The following NUP188 variants were observed in gnomAD, a reference collection of about 807,000 sequenced individuals.
The protein encoded by NUP188 is nucleoporin 188, also known as nucleoporin NUP188.
A neutral mutation model predicts 223.0 loss-of-function variants in NUP188; 97 were observed. The observed-to-expected ratio is 0.43, with a 90% CI of 0.37 to 0.51. NUP188 has a LOEUF of 0.51. Ranked by LOEUF, NUP188 falls within the 20% of genes least tolerant of loss-of-function variation. The pLI, the probability that NUP188 is intolerant of heterozygous loss-of-function variation, is 0.00. For synonymous variants in NUP188, 869 were observed against 828.0 expected, an observed-to-expected ratio of 1.05 and a Z score of -0.85; for missense variants, 1,947 against 2,175.6, an observed-to-expected ratio of 0.89 and a Z score of 2.09.
rs17485625 is a variant in NUP188, at chr9:128,996,982, G to A, written c.3352-1169G>A. Reference sequence around the variant, plus strand: ...GCATAGAGAGTGCCCTATGATGGAGGAGGTAAATTATAAACAAATTTAGCA... The same window carrying A: ...GCATAGAGAGTGCCCTATGATGGAGAAGGTAAATTATAAACAAATTTAGCA... On this transcript the variant is annotated intron_variant, in intron 30 of 43. Coordinates refer to ENST00000372577, the MANE Select transcript of NUP188 (RefSeq NM_015354.3). Among the ~76,000 whole-genome samples the A allele has an allele frequency of 3.0e-3, 458 of 152,324 alleles. 3 individuals are homozygous for A. Among genetic ancestry groups the A allele is most frequent in the African/African-American group, 0.01 (429 of 41,578 alleles).
chr9:128,977,166 C>T (rs1842187712), intron 12 of NUP188, among the ~76,000 whole-genome samples: 1 of 146,482 alleles, frequency 6.8e-6, no homozygotes, highest in Admixed American at 6.9e-5. Context: ...GTCACCCAGG[C>T]TGGAGTGCAG....
chr9:128,990,768 G>A (rs1293907999), intron 25 of NUP188, among the ~76,000 whole-genome samples: 1 of 152,254 alleles, frequency 6.6e-6, no homozygotes, highest in Admixed American at 6.5e-5. Context: ...GGGAGGCTGA[G>A]GCAGGAGAAT....
At chr9:128,970,979 G>A (rs1014654460) in intron 11 of NUP188, 21 bp downstream of exon 11, 5 of 1,586,632 alleles carry the variant, frequency 3.2e-6, no homozygotes, top group African/African-American at 2.7e-5. Context: ...GGCTCTGGGT[G>A]GTGAGCATGG....
intron 25 of NUP188, among the ~76,000 whole-genome samples, 193 bp downstream of exon 25, chr9:128,990,419 A>G (rs1842400132): frequency 6.6e-6 from 1 of 151,914 alleles, no homozygotes; most frequent in Non-Finnish European, 1.5e-5. Flanking sequence ...GTGAGACCCC[A>G]TCTCTAATAT....
chr9:129,002,917 A>G lies in NUP188; in HGVS notation c.4238A>G (p.Tyr1413Cys), dbSNP rs1842698879. 1 of 1,614,078 alleles carries G rather than the reference A, an allele frequency of 6.2e-7. No homozygotes were observed. Among genetic ancestry groups the G allele is most frequent in the Non-Finnish European group, 8.5e-7 (1 of 1,180,038 alleles). Residue 1413 changes from tyrosine (Y) to cysteine (C), a missense_variant, in exon 37 of 44, where the codon TAC becomes TGC. Transcript: ENST00000372577. ...GAGCAGCTGCTCAAAACTCTGCGCT[A>G]CAACTTCCTGCCTGAGGCCCTGGAC... ...LMEQLLKTLR[Y>C]NFLPEALDFV...
rs762634592 is a variant in NUP188 at position 128,986,632 on chromosome 9, C to T, written c.2151C>T (p.Ser717=). 1.9e-6 allele frequency: 3 copies of T among 1,614,180 alleles called. No individual in the cohort carries two copies. Among genetic ancestry groups the T allele is most frequent in the South Asian group, 2.2e-5 (2 of 91,082 alleles). The change falls in exon 21 of 44, where the codon AGC becomes AGT. Residue 717 remains serine, a synonymous_variant. Coordinates refer to ENST00000372577, the MANE Select transcript of NUP188 (RefSeq NM_015354.3). Reference sequence around the variant, plus strand: ...TTGTGCTGAAGGAGATGCTTCCCAGCTACCATAAGTGGCGCTACAACTCTC... The same window carrying T: ...TTGTGCTGAAGGAGATGCTTCCCAGTTACCATAAGTGGCGCTACAACTCTC... The part of the protein sequence containing the change: ...VMFVLKEMLP[S]YHKWRYNSHG...
chr9:129,003,366 C>T lies in NUP188; in HGVS notation c.4346C>T (p.Ala1449Val), dbSNP rs1044675237. ...CAGAGTCTGGCCTGCCTGGAGGAGGCGGACCACACCGTGGGTTTTATTCTG... is the reference window on the plus strand; with the variant it reads ...CAGAGTCTGGCCTGCCTGGAGGAGGTGGACCACACCGTGGGTTTTATTCTG... Reference protein sequence around the residue: ...TVQSLACLEEADHTVGFILQL... With the variant: ...TVQSLACLEEVDHTVGFILQL... The change falls in exon 38 of 44, where the codon GCG (alanine) becomes GTG (valine). Residue 1449 changes from alanine to valine, a missense_variant. This residue lies in a region of NUP188 where 905 missense variants were observed against 990.6 expected (regional missense o/e 0.91). Coordinates refer to ENST00000372577, the MANE Select transcript of NUP188 (RefSeq NM_015354.3). 8.7e-6 allele frequency: 14 copies of T among 1,613,020 alleles called. No homozygotes were observed. The highest frequency in any genetic ancestry group is 4.5e-5 in the East Asian group (2 of 44,880).
chr9:128,982,796 C>T, intron 16 of NUP188, 95 bp downstream of exon 16: 2 of 1,585,062 alleles, frequency 1.3e-6, no homozygotes, highest in Non-Finnish European at 1.7e-6. Flanking sequence ...AATTTAGAAC[C>T]ATCAAGATTG....
intron 3 of NUP188, among the ~76,000 whole-genome samples, chr9:128,953,970 C>G (rs930868810): frequency 6.6e-6 from 1 of 151,982 alleles, no homozygotes; most frequent in Non-Finnish European, 1.5e-5. Context: ...GCTGGGATTA[C>G]AGGTGCCCGC....
At chr9:128,992,744 C>G (rs560368113) in intron 25 of NUP188, among the ~76,000 whole-genome samples, 170 of 152,104 alleles carry the variant, frequency 1.1e-3, no homozygotes, top group Middle Eastern at 3.4e-3. Flanking sequence ...CATTATTATC[C>G]CTACCACCCT....
intron 36 of NUP188, 119 bp downstream of exon 36, chr9:129,002,095 T>C: frequency 1.3e-6 from 1 of 760,292 alleles, no homozygotes; most frequent in Non-Finnish European, 2.2e-6. Context: ...AATACACTGA[T>C]GGTGAGGAAT....
intron 25 of NUP188, 89 bp downstream of exon 25, chr9:128,990,315 C>T (rs763345808): frequency 1.5e-5 from 15 of 993,850 alleles, no homozygotes; most frequent in Middle Eastern, 2.1e-4. Context: ...CCACGTGCAG[C>T]GGCTTAACGC....
In NUP188 at chr9:128,999,619, T is replaced by G. The variant is rs1054218002; in HGVS notation, c.3662-5T>G. 6.2e-7 allele frequency: 1 copy of G among 1,613,130 alleles called. No individual in the cohort carries two copies. Among genetic ancestry groups the G allele is most frequent in the African/African-American group, 1.3e-5 (1 of 74,894 alleles). Reference sequence around the variant, plus strand: ...TGACAGTGTCCCTCCCTGTCTATTCTACAGTAAGTGACATCCCCCAGTACT... The same window carrying G: ...TGACAGTGTCCCTCCCTGTCTATTCGACAGTAAGTGACATCCCCCAGTACT... On this transcript the variant is annotated splice_region_variant and splice_polypyrimidine_tract_variant and intron_variant, in intron 33 of 43. Coordinates refer to ENST00000372577, the MANE Select transcript of NUP188 (RefSeq NM_015354.3).
chr9:128,995,189 G>A, intron 29 of NUP188, 130 bp from the exon 30 acceptor site: 1 of 712,124 alleles, frequency 1.4e-6, no homozygotes, highest in Non-Finnish European at 2.4e-6. Context: ...CCCACACGTT[G>A]GAGGTGTCCT....
In NUP188 at chr9:129,006,538, C is replaced by T; in HGVS notation, c.5110C>T (p.Arg1704Trp). ...GTCCAGCCTCTCGCGCTACTTCCGC[C>T]GGGGAGCCCCCAGCTCCCCTGCCAC... Reference protein sequence around the residue: ...LLSSLSRYFRRGAPSSPATGV... With the variant: ...LLSSLSRYFRWGAPSSPATGV... The change falls in exon 44 of 44, where the codon CGG (arginine) becomes TGG (tryptophan). Residue 1704 changes from arginine (R) to tryptophan (W), a missense_variant. Arg to Trp is a moderately radical substitution (Grantham distance 101, BLOSUM62 -3). This residue lies in a region of NUP188 where 905 missense variants were observed against 990.6 expected (regional missense o/e 0.91). Transcript: ENST00000372577. 2.5e-6 allele frequency: 4 copies of T among 1,613,874 alleles called. No homozygotes were observed. The highest frequency in any genetic ancestry group is 2.5e-6 in the Non-Finnish European group (3 of 1,179,926).
chr9:128,997,490 TTTTAC>T (rs1048425838), intron 30 of NUP188, among the ~76,000 whole-genome samples: 3 of 152,236 alleles, frequency 2.0e-5, no homozygotes, highest in African/African-American at 7.2e-5. Context: ...TCAAGCCCTA[TTTTAC>T]TTTATTTTTT....
At chr9:128,989,285 C>A (rs575751201) in intron 24 of NUP188, among the ~76,000 whole-genome samples, 7 of 152,222 alleles carry the variant, frequency 4.6e-5, no homozygotes, top group African/African-American at 1.7e-4. Flanking sequence ...CCTGTGGTCC[C>A]AGCTACTCAG....
At chr9:128,969,554 A>C (rs779958917) in intron 10 of NUP188, 40 bp downstream of exon 10, 1 of 1,114,584 alleles carries the variant, frequency 9.0e-7, no homozygotes, top group African/African-American at 1.6e-5. Flanking sequence ...AGGGTTTATA[A>C]GTTAGTAGTA....
At chr9:128,997,909 CAG>C (rs1176260839) in intron 30 of NUP188, among the ~76,000 whole-genome samples, 4 of 151,702 alleles carry the variant, frequency 2.6e-5, no homozygotes, top group African/African-American at 7.3e-5. Flanking sequence ...TTAGTAGAGA[CAG>C]GGTTCCACCG....
Sources: gnomAD v4.1 joint callset for allele counts (sites outside exome capture counted in the v4.1 genomes callset) on GRCh38, gnomAD v4.1.1 for gene constraint, gnomAD v4.1.1 regional missense constraint, MANE v1.5 for transcripts, NCBI Gene and HGNC (gene_info 2026-07-23, HGNC 2026-07-21) for gene names.